KIZ: variants seen among roughly 807,000 people sequenced by gnomAD.
The protein encoded by KIZ is centrosomal protein kizuna.
A neutral mutation model predicts 79.6 loss-of-function variants in KIZ; 68 were observed. The observed-to-expected ratio is 0.85, with a 90% CI of 0.70 to 1.05. The LOEUF is 1.05. Among genes scored for constraint, KIZ ranks in the 50% least tolerant of loss-of-function variants. The pLI is 0.00. For missense variants in KIZ, 797 were observed against 800.4 expected, an observed-to-expected ratio of 1.00 and a Z score of 0.05; for synonymous variants, 280 against 281.8, an observed-to-expected ratio of 0.99 and a Z score of 0.06.
At chr20:21,207,648 T>C (rs2035888818) in intron 7 of KIZ, among the ~76,000 whole-genome samples, 2 of 152,084 alleles carry the variant, frequency 1.3e-5, no homozygotes, top group South Asian at 4.2e-4. Flanking sequence ...ACAGATTTCA[T>C]GCCCCTTTTC....
intron 4 of KIZ, among the ~76,000 whole-genome samples, chr20:21,146,565 G>A (rs1359835401): frequency 6.6e-6 from 1 of 152,184 alleles, no homozygotes; most frequent in African/African-American, 2.4e-5. Context: ...TATAGCTACC[G>A]ATGGAATCAT....
At chr20:21,150,886 G>A (rs1356367617) in intron 4 of KIZ, 1 of 152,126 alleles carries the variant, frequency 6.6e-6, no homozygotes, top group African/African-American at 2.4e-5. Context: ...CTGAGTGAAG[G>A]GTACTCCCCA....
chr20:21,182,626 T>G (rs146403538), intron 6 of KIZ, among the ~76,000 whole-genome samples: 203 of 152,012 alleles, frequency 1.3e-3, no homozygotes, highest in African/African-American at 4.8e-3. Context: ...CGAAACCCTA[T>G]CTCTACTAAA....
chr20:21,130,875 G>A (rs2031797877), intron 1 of KIZ, among the ~76,000 whole-genome samples: 1 of 152,224 alleles, frequency 6.6e-6, no homozygotes, highest in Non-Finnish European at 1.5e-5. Context: ...TATAGAAACT[G>A]ATAATTAAGA....
At chr20:21,132,801 T>G (rs2031936661) in intron 2 of KIZ, among the ~76,000 whole-genome samples, 1 of 152,188 alleles carries the variant, frequency 6.6e-6, no homozygotes, top group Non-Finnish European at 1.5e-5. Context: ...TTAAACACAT[T>G]GAGCTTGTGT....
intron 4 of KIZ, among the ~76,000 whole-genome samples, chr20:21,158,211 G>A (rs987558349): frequency 3.9e-5 from 6 of 152,212 alleles, no homozygotes; most frequent in Admixed American, 2.6e-4. Context: ...AGAAGACACA[G>A]TATATTATGA....
intron 3 of KIZ, among the ~76,000 whole-genome samples, chr20:21,137,667 G>T (rs2032275280): frequency 6.6e-6 from 1 of 151,692 alleles, no homozygotes; most frequent in Non-Finnish European, 1.5e-5. Flanking sequence ...AAAGTCTGCT[G>T]CAGGCATCAT....
At chr20:21,225,085 T>C (rs2036617526) in intron 9 of KIZ, among the ~76,000 whole-genome samples, 1 of 152,212 alleles carries the variant, frequency 6.6e-6, no homozygotes, top group Non-Finnish European at 1.5e-5. Flanking sequence ...GAAAATACAT[T>C]TATCTCATGT....
chr20:21,145,348 CTTATT>C (rs2032793452), intron 3 of KIZ, among the ~76,000 whole-genome samples: 1 of 151,976 alleles, frequency 6.6e-6, no homozygotes, highest in African/African-American at 2.4e-5. Flanking sequence ...TCCATCAAAT[CTTATT>C]TTATTTAAAA....
chr20:21,179,998 G>A (rs971769878), intron 6 of KIZ, among the ~76,000 whole-genome samples: 2 of 152,192 alleles, frequency 1.3e-5, no homozygotes, highest in African/African-American at 4.8e-5. Context: ...TCTAGAGAAT[G>A]TTTTGCCAGC....
At chr20:21,130,603 G>A (rs1419569337) in intron 1 of KIZ, among the ~76,000 whole-genome samples, 1 of 151,936 alleles carries the variant, frequency 6.6e-6, no homozygotes, top group African/African-American at 2.4e-5. Flanking sequence ...AGTTAAAAAT[G>A]TGTGTTTTTG....
Position 21,232,833 on chromosome 20 carries a change from A to G in KIZ, c.1880+3A>G. Reference sequence around the variant, plus strand: ...AGTGAAGGAAGTCCTTTGTCAAGGTAAAGTTGTGAAAGCCTTTCTGAATAG... The same window carrying G: ...AGTGAAGGAAGTCCTTTGTCAAGGTGAAGTTGTGAAAGCCTTTCTGAATAG... On this transcript the variant is annotated splice_donor_region_variant and intron_variant, in intron 11 of 12. Coordinates refer to ENST00000619189, the MANE Select transcript of KIZ (RefSeq NM_018474.6). The G allele has an allele frequency of 1.5e-6, 2 of 1,319,978 alleles. No individual in the cohort carries two copies. Among genetic ancestry groups the G allele is most frequent in the African/African-American group, 1.4e-5 (1 of 69,360 alleles). 81.8% of individuals were successfully genotyped at this position (1,319,978 alleles called of 1,614,324 possible).
intron 6 of KIZ, among the ~76,000 whole-genome samples, chr20:21,193,153 C>T (rs1196361169): frequency 6.6e-6 from 1 of 152,108 alleles, no homozygotes; most frequent in Admixed American, 6.6e-5. Flanking sequence ...AGCTTCTGAG[C>T]CCCAATGTTG....
chr20:21,234,439 A>G (rs1327911965), intron 11 of KIZ, among the ~76,000 whole-genome samples: 1 of 151,574 alleles, frequency 6.6e-6, no homozygotes, highest in Non-Finnish European at 1.5e-5. Flanking sequence ...GTCTGGGTCC[A>G]GAGTGCGTGG....
At chr20:21,176,545 AAACAT>A (rs554171352) in intron 6 of KIZ, among the ~76,000 whole-genome samples, 1 of 147,060 alleles carries the variant, frequency 6.8e-6, no homozygotes, top group Non-Finnish European at 1.5e-5. Flanking sequence ...TTTCAACAAA[AAACAT>A]TACAAGGCAC....
At chr20:21,171,151 A>G (rs371869921) in intron 6 of KIZ, among the ~76,000 whole-genome samples, 10 of 152,330 alleles carry the variant, frequency 6.6e-5, no homozygotes, top group South Asian at 2.1e-4. Flanking sequence ...GTGGTATGCA[A>G]TTGTTTTAAT....
At position 21,174,635 on chromosome 20, in the gene KIZ, T is replaced by C. The variant is rs147862076; in HGVS notation, c.1352+11476T>C. On this transcript the variant is annotated intron_variant, in intron 6 of 12. Coordinates refer to ENST00000619189, the MANE Select transcript of KIZ (RefSeq NM_018474.6). ...AAGTGCTATGTGCCTTTATTCAGGC[T>C]TGAACAAAGTACTTGCAAAGTTGCT... Among the ~76,000 whole-genome samples the C allele has an allele frequency of 9.5e-3, 1,444 of 152,328 alleles. 10 individuals are homozygous for C. The highest frequency in any genetic ancestry group is 0.013 in the Non-Finnish European group (914 of 68,024).
intron 6 of KIZ, among the ~76,000 whole-genome samples, chr20:21,176,203 G>A (rs2034425650): frequency 6.6e-6 from 1 of 152,132 alleles, no homozygotes; most frequent in African/African-American, 2.4e-5. Context: ...CCAGCTACTT[G>A]AGAGGCTGAG....
chr20:21,205,951 A>G (rs561871997), intron 7 of KIZ, among the ~76,000 whole-genome samples: 1 of 148,546 alleles, frequency 6.7e-6, no homozygotes, highest in South Asian at 2.1e-4. Context: ...CACCATCTCA[A>G]AAAAAAAAAA....
Sources: allele counts gnomAD v4.1 joint callset (sites outside exome capture counted in the v4.1 genomes callset), GRCh38; gene constraint gnomAD v4.1.1; transcripts MANE v1.5; gene names NCBI Gene and HGNC (gene_info 2026-07-23, HGNC 2026-07-21).